RPP30: variants seen among roughly 807,000 people sequenced by gnomAD.
The protein encoded by RPP30 is ribonuclease P protein subunit p30.
RPP30 carries 36 observed loss-of-function variants against 38.6 expected under a neutral mutation model. The ratio of observed to expected loss-of-function variants is 0.93; its 90% CI spans 0.71 to 1.23. RPP30 has a LOEUF of 1.23. Among genes scored for constraint, RPP30 ranks in the 50% most tolerant of loss-of-function variants. The probability of loss-of-function intolerance (pLI) is 0.00; values close to 1 mark genes in which losing one functional copy is unlikely to be tolerated. For synonymous variants in RPP30, 126 were observed against 112.7 expected, an observed-to-expected ratio of 1.12 and a Z score of -0.75; for missense variants, 321 against 321.7, an observed-to-expected ratio of 1.00 and a Z score of 0.02.
At chr10:90,896,178 C>G in intron 9 of RPP30, 135 bp from the exon 10 acceptor site, 1 of 735,080 alleles carries the variant, frequency 1.4e-6, no homozygotes, top group Non-Finnish European at 2.3e-6. Flanking sequence ...GATGCATGTT[C>G]CAGTTGGACT....
downstream of RPP30, among the ~76,000 whole-genome samples, chr10:90,904,732 A>G (rs146467760): frequency 8.6e-3 from 1,316 of 152,270 alleles, 33 homozygotes; most frequent in East Asian, 0.045. Context: ...AAATTGCTTG[A>G]ACCCGGGAGG....
intron 10 of RPP30, among the ~76,000 whole-genome samples, chr10:90,897,770 A>G (rs1847157473): frequency 6.6e-6 from 1 of 151,928 alleles, no homozygotes; most frequent in African/African-American, 2.4e-5. Context: ...TATAACACAT[A>G]ATATGTAAAG....
At chr10:90,908,089 CAT>C (rs1335299171), downstream of RPP30, among the ~76,000 whole-genome samples, 8 of 152,182 alleles carry the variant, frequency 5.3e-5, no homozygotes, top group Non-Finnish European at 1.0e-4. Flanking sequence ...TCTAAACAAA[CAT>C]AGAAAAGGTA....
intron 6 of RPP30, among the ~76,000 whole-genome samples, chr10:90,888,207 A>G (rs1283539857): frequency 6.6e-6 from 1 of 152,210 alleles, no homozygotes; most frequent in Non-Finnish European, 1.5e-5. Flanking sequence ...TTAATGAACT[A>G]GGAAGGTCAT....
chr10:90,895,006 G>A (rs557608853), intron 7 of RPP30, 115 bp downstream of exon 7: 108 of 812,368 alleles, frequency 1.3e-4, no homozygotes, highest in Non-Finnish European at 2.2e-4. Flanking sequence ...CATAGCATAG[G>A]AACAAATTCT....
chr10:90,901,330 A>G lies in RPP30; in HGVS notation c.*651A>G, dbSNP rs1210689059. 1 of 984,350 alleles carries G rather than the reference A, an allele frequency of 1.0e-6. No individual in the cohort carries two copies. The highest frequency in any genetic ancestry group is 5.2e-4 in the Middle Eastern group (1 of 1,936). The allele number at this position is 984,350 out of a possible 1,614,324, so 61.0% of individuals were successfully genotyped here. A position where few individuals can be genotyped will look rare whatever the true frequency, so the allele number is the denominator to read the frequency against. ...CTTCTTTCGAAAGTTTCTTGTTCAT[A>G]CTCAAATAGTAGTTATTTTGAAGAT... On this transcript the variant is annotated 3_prime_UTR_variant, in exon 11 of 11. Transcript: ENST00000371703.
chr10:90,895,895 G>A lies in RPP30; in HGVS notation c.595G>A (p.Gly199Arg), dbSNP rs1232101316. Residue 199 changes from glycine to arginine, a missense_variant, in exon 9 of 11, where the codon GGG (glycine) becomes AGG (arginine). Physicochemically the swap from Gly to Arg is moderately radical, Grantham distance 125. Coordinates refer to ENST00000371703, the MANE Select transcript of RPP30 (RefSeq NM_006413.5). ...SAAERPLEIRGPYDVANLGLL... is the reference protein window; with the variant it reads ...SAAERPLEIRRPYDVANLGLL... ...TTTATTTCAGCCTTTAGAAATAAGA[G>A]GGCCATATGACGTGGCAAATCTGTA... 1.3e-6 allele frequency: 2 copies of A among 1,596,842 alleles called. No individual in the cohort carries two copies. Among genetic ancestry groups the A allele is most frequent in the African/African-American group, 1.3e-5 (1 of 74,298 alleles).
At chr10:90,908,170 AT>A (rs1847273734), downstream of RPP30, 1 of 152,164 alleles carries the variant, frequency 6.6e-6, no homozygotes, top group Non-Finnish European at 1.5e-5. Flanking sequence ...GCTTCATTTT[AT>A]TTTTATGGGA....
chr10:90,896,871 A>C lies in RPP30; in HGVS notation c.697+479A>C, dbSNP rs559749954. Among the ~76,000 whole-genome samples, 11 of 152,232 alleles carry C rather than the reference A, an allele frequency of 7.2e-5. No homozygotes were observed. In the South Asian group the frequency reaches 2.3e-3, roughly 32 times the overall value. On this transcript the variant is annotated intron_variant, in intron 10 of 10. Coordinates refer to ENST00000371703, the MANE Select transcript of RPP30 (RefSeq NM_006413.5). ...TATAACTCAGAATGTTTCTTTTCTC[A>C]TGTTTGCTTACATGGTCAAGTTGTG... is the stretch of plus-strand genomic sequence containing the variant.
At chr10:90,894,590 C>T (rs10881847) in intron 6 of RPP30, among the ~76,000 whole-genome samples, 185 bp from the exon 7 acceptor site, 56,289 of 152,028 alleles carry the variant, frequency 0.37, 12,083 homozygotes, top group Non-Finnish European at 0.47. Flanking sequence ...AGTAGAGCCA[C>T]GGATTTATTT....
At chr10:90,872,564 C>T (rs1445021551) in intron 1 of RPP30, among the ~76,000 whole-genome samples, 1 of 151,946 alleles carries the variant, frequency 6.6e-6, no homozygotes, top group Admixed American at 6.6e-5. Flanking sequence ...ACATACACAG[C>T]GGAGTGGAGG....
rs1429513141 is a variant in RPP30 at position 90,871,990 on chromosome 10, G to C, written c.4G>C (p.Ala2Pro). ...CGGACGGTCATGGGACTTCAGCATG[G>C]CGGTGTTTGCAGATTTGGACCTGCG... MAVFADLDLRAG... is the reference protein window; with the variant it reads MPVFADLDLRAG... Residue 2 changes from alanine to proline, a missense_variant, in exon 1 of 11, where the codon GCG (alanine) becomes CCG (proline). Coordinates refer to ENST00000371703, the MANE Select transcript of RPP30 (RefSeq NM_006413.5). The C allele has an allele frequency of 2.2e-5, 35 of 1,613,908 alleles. No homozygotes were observed. The highest frequency in any genetic ancestry group is 2.8e-5 in the Non-Finnish European group (33 of 1,179,896).
At chr10:90,907,230 G>A (rs1847263195), downstream of RPP30, among the ~76,000 whole-genome samples, 2 of 152,168 alleles carry the variant, frequency 1.3e-5, no homozygotes, top group Non-Finnish European at 2.9e-5. Flanking sequence ...ATCAGCACTG[G>A]CAAGAGAAAT....
rs565849953 is a variant in RPP30 at position 90,879,080 on chromosome 10, G to T, written c.288G>T (p.Arg96Ser). 6.2e-7 allele frequency: 1 copy of T among 1,613,918 alleles called. No homozygotes were observed. The highest frequency in any genetic ancestry group is 1.3e-5 in the African/African-American group (1 of 75,014). ...ATTCCTAGAGAGCAACTTCTTCAAGGGCCCGGCTCTATGATGTTGTTGCAG... is the reference window on the plus strand; with the variant it reads ...ATTCCTAGAGAGCAACTTCTTCAAGTGCCCGGCTCTATGATGTTGTTGCAG... ...HCNVLRATSS[R>S]ARLYDVVAVF... Residue 96 changes from arginine (R) to serine (S), a missense_variant, in exon 5 of 11, where the codon AGG becomes AGT. Transcript: ENST00000371703.
chr10:90,874,003 A>G (rs1846817951), intron 1 of RPP30, among the ~76,000 whole-genome samples: 1 of 152,202 alleles, frequency 6.6e-6, no homozygotes, highest in Non-Finnish European at 1.5e-5. Context: ...CTTGTGGAGA[A>G]GGATTATATT....
At chr10:90,875,158 T>C (rs1174437130) in intron 2 of RPP30, among the ~76,000 whole-genome samples, 1 of 152,210 alleles carries the variant, frequency 6.6e-6, no homozygotes, top group African/African-American at 2.4e-5. Flanking sequence ...TGAAATTAAG[T>C]TACTTTTCAC....
intron 6 of RPP30, among the ~76,000 whole-genome samples, chr10:90,894,531 G>A (rs1175709124): frequency 6.6e-6 from 1 of 152,096 alleles, no homozygotes; most frequent in Non-Finnish European, 1.5e-5. Flanking sequence ...CATAATTCCT[G>A]TTTATGTAAA....
rs183304870 is a variant in RPP30, at chr10:90,893,034, T to A, written c.433-1741T>A. ...TCTTAACAAATGTCATTCCCAGAAA[T>A]AATCAACACAGGTGAAAGAATTAGA... On this transcript the variant is annotated intron_variant, in intron 6 of 10. Transcript: ENST00000371703. Among the ~76,000 whole-genome samples, 216 of 152,184 alleles carry A rather than the reference T, an allele frequency of 1.4e-3. 5 individuals carry two copies. The highest frequency in any genetic ancestry group is 0.013 in the Admixed American group (196 of 15,282).
intron 1 of RPP30, among the ~76,000 whole-genome samples, chr10:90,872,619 C>T (rs534841140): frequency 6.6e-6 from 1 of 152,196 alleles, no homozygotes; most frequent in East Asian, 1.9e-4. Context: ...GAAGCGAAAG[C>T]CTTGAGAGAC....
Sources: gnomAD v4.1 joint callset for allele counts (sites outside exome capture counted in the v4.1 genomes callset) on GRCh38, gnomAD v4.1.1 for gene constraint, MANE v1.5 for transcripts, NCBI Gene and HGNC (gene_info 2026-07-23, HGNC 2026-07-21) for gene names.